Variants in ADGRL2 observed in about 807,000 individuals in gnomAD.
ADGRL2 encodes the protein adhesion G protein-coupled receptor L2.
ADGRL2 carries 44 observed loss-of-function variants against 157.4 expected under a neutral mutation model. The ratio of observed to expected loss-of-function variants is 0.28; its 90% CI spans 0.22 to 0.36. The LOEUF is 0.36. Among genes scored for constraint, ADGRL2 ranks in the 10% least tolerant of loss-of-function variants. The pLI is 1.00. For missense variants in ADGRL2, 1,510 were observed against 1,768.9 expected, an observed-to-expected ratio of 0.85 and a Z score of 2.63; for synonymous variants, 585 against 624.7, an observed-to-expected ratio of 0.94 and a Z score of 0.95.
chr1:81,673,689 G>T (rs1165598932), intron 3 of ADGRL2, among the ~76,000 whole-genome samples: 4 of 151,688 alleles, frequency 2.6e-5, no homozygotes, highest in Admixed American at 2.6e-4. Flanking sequence ...TAATTTTTTT[G>T]TATTTTTTTA....
intron 2 of ADGRL2, among the ~76,000 whole-genome samples, chr1:81,464,023 T>C (rs970455032): frequency 1.3e-5 from 2 of 152,130 alleles, no homozygotes; most frequent in African/African-American, 4.8e-5. Flanking sequence ...CTAGTGCTCC[T>C]ATATCCAAAG....
At chr1:81,604,742 T>G (rs1337329082) in intron 3 of ADGRL2, among the ~76,000 whole-genome samples, 3 of 152,098 alleles carry the variant, frequency 2.0e-5, no homozygotes, top group African/African-American at 7.2e-5. Flanking sequence ...AGCAGCAGCA[T>G]CTTCTCATCA....
chr1:81,516,254 T>C (rs565207916), intron 2 of ADGRL2, among the ~76,000 whole-genome samples: 4 of 152,324 alleles, frequency 2.6e-5, no homozygotes, highest in African/African-American at 9.6e-5. Context: ...AAAATGACAA[T>C]AGATGTATGC....
chr1:81,409,704 T>C (rs2076917087), intron 1 of ADGRL2, among the ~76,000 whole-genome samples: 1 of 152,200 alleles, frequency 6.6e-6, no homozygotes, highest in Non-Finnish European at 1.5e-5. Context: ...ATTAGTCAAA[T>C]CACAAATGGA....
chr1:81,321,727 A>G (rs1402703358), intron 1 of ADGRL2, among the ~76,000 whole-genome samples: 1 of 152,162 alleles, frequency 6.6e-6, no homozygotes, highest in Non-Finnish European at 1.5e-5. Flanking sequence ...ATCAAAGATC[A>G]CTGATCACAG....
At position 81,990,865 on chromosome 1, in the gene ADGRL2, A is replaced by G; in HGVS notation, c.4130A>G (p.Asn1377Ser). 1 of 1,614,064 alleles carries G rather than the reference A, an allele frequency of 6.2e-7. No homozygotes were observed. Among genetic ancestry groups the G allele is most frequent in the Non-Finnish European group, 8.5e-7 (1 of 1,180,002 alleles). Residue 1377 changes from asparagine (N) to serine (S), a missense_variant, in exon 24 of 24, where the codon AAC becomes AGC. Transcript: ENST00000686636. Reference protein sequence around the residue: ...AEAEDHLQSPNRDSLYTSMPN... With the variant: ...AEAEDHLQSPSRDSLYTSMPN... ...GCTGAAGATCACCTACAGTCCCCCAACAGAGACTCTCTTTATACAAGCATG... is the reference window on the plus strand; with the variant it reads ...GCTGAAGATCACCTACAGTCCCCCAGCAGAGACTCTCTTTATACAAGCATG...
chr1:81,333,962 G>C (rs1661455689), intron 1 of ADGRL2, among the ~76,000 whole-genome samples: 1 of 152,118 alleles, frequency 6.6e-6, no homozygotes, highest in South Asian at 2.1e-4. Flanking sequence ...AATTTACTTT[G>C]ATAAGAGTTT....
chr1:81,306,477 A>G (rs1277541442), exon 1 of ADGRL2: 3 of 150,002 alleles, frequency 2.0e-5, no homozygotes, highest in Non-Finnish European at 3.0e-5. Flanking sequence ...TTTTTTTTTT[A>G]TAAAGGAACT....
At chr1:81,596,744 G>A (rs1049635494) in intron 3 of ADGRL2, among the ~76,000 whole-genome samples, 9 of 151,364 alleles carry the variant, frequency 5.9e-5, no homozygotes, top group African/African-American at 2.2e-4. Flanking sequence ...AGAAACTTTT[G>A]GCACAACGAA....
intron 1 of ADGRL2, among the ~76,000 whole-genome samples, chr1:81,431,873 T>C (rs1283059601): frequency 6.6e-6 from 1 of 152,178 alleles, no homozygotes; most frequent in Admixed American, 6.6e-5. Flanking sequence ...TTCTTGAATG[T>C]TCATGAAGTT....
intron 2 of ADGRL2, among the ~76,000 whole-genome samples, chr1:81,543,875 A>T (rs2079949587): frequency 1.3e-5 from 2 of 152,074 alleles, no homozygotes; most frequent in Admixed American, 6.6e-5. Context: ...TCAACTTCAT[A>T]CGTCTGTTGA....
chr1:81,426,844 G>T, intron 1 of ADGRL2: 1 of 560,844 alleles, frequency 1.8e-6, no homozygotes, highest in Non-Finnish European at 3.4e-6. Context: ...AAATTTCCTT[G>T]GTGGTATTAA....
intron 2 of ADGRL2, among the ~76,000 whole-genome samples, chr1:81,867,595 T>G (rs2093578727): frequency 1.3e-5 from 2 of 152,308 alleles, no homozygotes; most frequent in South Asian, 4.1e-4. Context: ...ATCTGTAGGT[T>G]AATTCTTATC....
At chr1:81,448,207 T>A (rs1049852737) in intron 2 of ADGRL2, among the ~76,000 whole-genome samples, 9 of 144,090 alleles carry the variant, frequency 6.2e-5, no homozygotes, top group African/African-American at 1.8e-4. Flanking sequence ...TACAGTGGCT[T>A]AATCTCGGCA....
At chr1:81,308,096 T>C (rs964394459) in intron 1 of ADGRL2, among the ~76,000 whole-genome samples, 3 of 152,278 alleles carry the variant, frequency 2.0e-5, no homozygotes, top group East Asian at 1.9e-4. Flanking sequence ...ATATGTTTTA[T>C]AGCAGTGGGT....
chr1:81,448,922 T>A (rs1457749196), intron 2 of ADGRL2, among the ~76,000 whole-genome samples: 1 of 152,102 alleles, frequency 6.6e-6, no homozygotes, highest in Non-Finnish European at 1.5e-5. Context: ...AAAAAGAAGA[T>A]AAAGTGTGAC....
chr1:81,517,299 C>T (rs1241602467), intron 2 of ADGRL2, among the ~76,000 whole-genome samples: 1 of 151,434 alleles, frequency 6.6e-6, no homozygotes, highest in Non-Finnish European at 1.5e-5. Flanking sequence ...GGTGAAACCC[C>T]ATCTCTACTA....
At chr1:81,596,679 A>T (rs1223665523) in intron 3 of ADGRL2, among the ~76,000 whole-genome samples, 1 of 150,866 alleles carries the variant, frequency 6.6e-6, no homozygotes, top group Non-Finnish European at 1.5e-5. Flanking sequence ...CCTAGATTTT[A>T]CTTTTTTTTT....
At position 81,992,769 on chromosome 1, in the gene ADGRL2, AC is replaced by A; in HGVS notation, c.*1625del. Among the ~76,000 whole-genome samples, 1 of 152,154 alleles carries A rather than the reference AC, an allele frequency of 6.6e-6. No homozygotes were observed. Among genetic ancestry groups the A allele is most frequent in the East Asian group, 1.9e-4 (1 of 5,178 alleles). ...TCAGCAGTATTGGGAAGTTTCTTAA[AC>A]ATACTTTAAGGATTATAAATATCCC... On this transcript the variant is annotated 3_prime_UTR_variant, in exon 24 of 24. Coordinates refer to ENST00000686636, the MANE Select transcript of ADGRL2 (RefSeq NM_001366006.2).
Sources: gnomAD v4.1 joint callset for allele counts (sites outside exome capture counted in the v4.1 genomes callset) on GRCh38, gnomAD v4.1.1 for gene constraint, MANE v1.5 for transcripts, NCBI Gene and HGNC (gene_info 2026-07-23, HGNC 2026-07-21) for gene names.